CX3CR1: variants seen among roughly 807,000 people sequenced by gnomAD.
CX3CR1 encodes the protein CX3C chemokine receptor 1.
For synonymous variants in CX3CR1, 168 were observed against 178.5 expected, an observed-to-expected ratio of 0.94 and a Z score of 0.47; for missense variants, 363 against 432.4, an observed-to-expected ratio of 0.84 and a Z score of 1.42.
At chr3:39,281,356 A>C (rs1575212483), upstream of CX3CR1, 4 of 733,354 alleles carry the variant, frequency 5.5e-6, no homozygotes, top group African/African-American at 2.2e-5. Context: ...CCTGGGGTCC[A>C]CTCAGCTGGG....
upstream of CX3CR1, among the ~76,000 whole-genome samples, chr3:39,285,378 T>TA (rs2040936880): frequency 6.6e-6 from 1 of 152,192 alleles, no homozygotes; most frequent in African/African-American, 2.4e-5. Flanking sequence ...CTCCAACTCT[T>TA]AAAAGAAAAG....
the CX3CR1 span, among the ~76,000 whole-genome samples, chr3:39,288,364 A>G: frequency 4.6e-5 from 7 of 152,218 alleles, no homozygotes; most frequent in Admixed American, 2.6e-4. Flanking sequence ...ACAAAGATGA[A>G]TAGGGCAGGG....
At position 39,264,109 on chromosome 3, in the gene CX3CR1, G is replaced by A. The variant is rs985167394; in HGVS notation, c.*1333C>T. 1.3e-5 allele frequency: 2 copies of A among 152,236 alleles called. No homozygotes were observed. The highest frequency in any genetic ancestry group is 4.8e-5 in the African/African-American group (2 of 41,440). 9.4% of individuals were successfully genotyped at this position (152,236 alleles called of 1,614,324 possible). ...ATTCAAGGCAGTCCAGGAGAGTTGG[G>A]TTACGGAAGGCTATCACTCTGTAGA... On this transcript the variant is annotated 3_prime_UTR_variant, in exon 2 of 2. Coordinates refer to ENST00000399220, the MANE Select transcript of CX3CR1 (RefSeq NM_001337.4).
chr3:39,286,245 G>C (rs4271864), upstream of CX3CR1: 2,460 of 152,384 alleles, frequency 0.016, 25 homozygotes, highest in Non-Finnish European at 0.025. Context: ...AACACGTCCA[G>C]AGGCAGCCTT....
At chr3:39,280,296 G>T, upstream of CX3CR1, 1 of 985,560 alleles carries the variant, frequency 1.0e-6, no homozygotes, top group Non-Finnish European at 1.2e-6. Flanking sequence ...AGTCAGCAAA[G>T]CACAGCACAG....
chr3:39,285,153 C>G (rs1357767232), upstream of CX3CR1, among the ~76,000 whole-genome samples: 1 of 145,452 alleles, frequency 6.9e-6, no homozygotes. Context: ...GTGGGAAGAT[C>G]ATTTGAGTCC....
upstream of CX3CR1, chr3:39,281,335 T>TTG: frequency 1.3e-6 from 1 of 763,586 alleles, no homozygotes; most frequent in Non-Finnish European, 1.6e-6. Flanking sequence ...ACACCACCCC[T>TTG]TGATACCTCT....
rs1294639689 is a variant in CX3CR1 at position 39,265,480 on chromosome 3, A to G, written c.1030T>C (p.Tyr344His). The change falls in exon 2 of 2, where the codon TAC becomes CAC. Residue 344 changes from tyrosine (Y) to histidine (H), a missense_variant. Transcript: ENST00000399220. Reference protein sequence around the residue: ...HGSVLSSNFTYHTSDGDALLL... With the variant: ...HGSVLSSNFTHHTSDGDALLL... ...AATGCATCTCCATCACTCGTGTGGT[A>G]AGTAAAATTGCTGCTCAGAACACTT... 6.2e-7 allele frequency: 1 copy of G among 1,613,928 alleles called. No homozygotes were observed. The highest frequency in any genetic ancestry group is 8.5e-7 in the Non-Finnish European group (1 of 1,179,844).
upstream of CX3CR1, among the ~76,000 whole-genome samples, chr3:39,285,212 GAAA>G (rs4016656): frequency 0.027 from 3,068 of 115,600 alleles, 44 homozygotes; most frequent in East Asian, 0.04. Flanking sequence ...CATTGGTACA[GAAA>G]AAAAAAAAAA....
chr3:39,284,261 A>G (rs751607823), upstream of CX3CR1, among the ~76,000 whole-genome samples: 10 of 152,088 alleles, frequency 6.6e-5, no homozygotes, highest in Middle Eastern at 3.2e-3. Context: ...TCCTGGGTTC[A>G]AGCTATTCTT....
chr3:39,288,536 AC>A, the CX3CR1 span, among the ~76,000 whole-genome samples: 2,878 of 152,122 alleles, frequency 0.019, 92 homozygotes, highest in African/African-American at 0.064. Context: ...CTCACCAGCA[AC>A]CCCCAGGTCC....
chr3:39,290,943 C>A, the CX3CR1 span, among the ~76,000 whole-genome samples: 59 of 151,938 alleles, frequency 3.9e-4, no homozygotes, highest in South Asian at 1.2e-3. Flanking sequence ...TAAACAACAA[C>A]AAAAAAATAA....
intron 1 of CX3CR1, among the ~76,000 whole-genome samples, chr3:39,270,808 C>G (rs1031101135): frequency 6.6e-6 from 1 of 152,106 alleles, no homozygotes; most frequent in Admixed American, 6.5e-5. Context: ...TTAATTAATT[C>G]GTTTGGAATT....
At chr3:39,273,320 G>C (rs2040801944) in intron 1 of CX3CR1, among the ~76,000 whole-genome samples, 1 of 152,208 alleles carries the variant, frequency 6.6e-6, no homozygotes, top group Non-Finnish European at 1.5e-5. Context: ...ACCACTAGGT[G>C]GTCCACACTG....
At chr3:39,275,487 A>G (rs1456471489) in intron 1 of CX3CR1, among the ~76,000 whole-genome samples, 2 of 152,202 alleles carry the variant, frequency 1.3e-5, no homozygotes, top group East Asian at 3.8e-4. Context: ...TGAACCATGT[A>G]CGGCAAACGG....
At chr3:39,289,642 G>A in the CX3CR1 span, among the ~76,000 whole-genome samples, 2 of 150,474 alleles carry the variant, frequency 1.3e-5, no homozygotes, top group Non-Finnish European at 2.9e-5. Flanking sequence ...CAAGTATATG[G>A]ACTGAATTAT....
the CX3CR1 span, among the ~76,000 whole-genome samples, chr3:39,289,291 G>A: frequency 1.3e-5 from 2 of 152,198 alleles, no homozygotes; most frequent in African/African-American, 2.4e-5. Context: ...ATACAAAGAA[G>A]GAGCAATCTC....
the CX3CR1 span, among the ~76,000 whole-genome samples, chr3:39,289,485 G>T: frequency 1.3e-5 from 2 of 152,144 alleles, no homozygotes; most frequent in Admixed American, 6.5e-5. Flanking sequence ...TCATTGCACT[G>T]TTTCTGGTCC....
rs2040780556 is a variant in CX3CR1 at position 39,271,757 on chromosome 3, C to A, written c.-9-5239G>T. ...TGAAGGCACCATTTACATAAAAAAT[C>A]TGACATCGCTGAAGCTGTGTCCTTC... On this transcript the variant is annotated intron_variant, in intron 1 of 1. Coordinates refer to ENST00000399220, the MANE Select transcript of CX3CR1 (RefSeq NM_001337.4). 2.0e-5 allele frequency among the ~76,000 whole-genome samples: 3 copies of A among 152,234 alleles called. No homozygotes were observed. In the South Asian group the frequency reaches 6.2e-4, roughly 31 times the overall value.
Sources: gnomAD v4.1 joint callset for allele counts (sites outside exome capture counted in the v4.1 genomes callset) on GRCh38, gnomAD v4.1.1 for gene constraint, MANE v1.5 for transcripts, NCBI Gene and HGNC (gene_info 2026-07-23, HGNC 2026-07-21) for gene names.